Variants in DYNC1I1 observed in about 807,000 individuals in gnomAD.
The protein encoded by DYNC1I1 is cytoplasmic dynein 1 intermediate chain 1.
DYNC1I1 carries 43 observed loss-of-function variants against 86.6 expected under a neutral mutation model. That is an observed-to-expected ratio of 0.50 (90% CI 0.39 to 0.64). The LOEUF is 0.64. Ranked by LOEUF, DYNC1I1 falls within the 30% of genes least tolerant of loss-of-function variation. The pLI is 0.00. For missense variants in DYNC1I1, 604 were observed against 788.8 expected (o/e 0.77, Z 2.81); for synonymous variants, 262 against 283.7 (o/e 0.92, Z 0.77).
intron 14 of DYNC1I1, among the ~76,000 whole-genome samples, chr7:96,057,305 G>A (rs534704128): frequency 2.0e-5 from 3 of 152,056 alleles, no homozygotes; most frequent in Non-Finnish European, 2.9e-5. Context: ...CCTTTTCTAC[G>A]TCTGAGTCCT....
At chr7:95,905,392 T>G (rs1330096286) in intron 6 of DYNC1I1, among the ~76,000 whole-genome samples, 1 of 152,158 alleles carries the variant, frequency 6.6e-6, no homozygotes, top group Admixed American at 6.5e-5. Context: ...AATACAAAAC[T>G]CGAGTGCTGA....
At chr7:95,776,079 G>C (rs1793832850) in intron 1 of DYNC1I1, among the ~76,000 whole-genome samples, 1 of 152,114 alleles carries the variant, frequency 6.6e-6, no homozygotes, top group African/African-American at 2.4e-5. Flanking sequence ...GTAATCCCAG[G>C]CTACTCGGGA....
chr7:96,063,536 G>T (rs895845116), intron 14 of DYNC1I1, among the ~76,000 whole-genome samples: 29 of 152,084 alleles, frequency 1.9e-4, no homozygotes, highest in African/African-American at 6.3e-4. Flanking sequence ...GAAGCCTCTC[G>T]CTTTGACTTG....
rs944256028 is a variant in DYNC1I1, at chr7:96,076,068, G to C, written c.1521G>C (p.Pro507=). ...TCTCTGCTTTACAGCACAACAAGCCGCTCTACTCCTTTGAAGACAATGCAG... is the reference window on the plus strand; with the variant it reads ...TCTCTGCTTTACAGCACAACAAGCCCCTCTACTCCTTTGAAGACAATGCAG... ...VKLWTTKHNK[P]LYSFEDNADY... is the part of the protein sequence containing the mutation. Residue 507 remains proline, a synonymous_variant, in exon 15 of 17, where the codon CCG becomes CCC. Coordinates refer to ENST00000447467, the MANE Select transcript of DYNC1I1 (RefSeq NM_001135556.2). 6.2e-7 allele frequency: 1 copy of C among 1,613,780 alleles called. No homozygotes were observed. Among genetic ancestry groups the C allele is most frequent in the African/African-American group, 1.3e-5 (1 of 74,934 alleles).
intron 10 of DYNC1I1, among the ~76,000 whole-genome samples, chr7:96,001,355 T>A (rs1042855176): frequency 1.3e-5 from 2 of 152,262 alleles, no homozygotes; most frequent in Middle Eastern, 6.8e-3. Flanking sequence ...AAGATGGGTG[T>A]TCTGAGGGGT....
At chr7:95,891,187 CAG>C (rs2116268029) in intron 6 of DYNC1I1, among the ~76,000 whole-genome samples, 1 of 152,230 alleles carries the variant, frequency 6.6e-6, no homozygotes, top group African/African-American at 2.4e-5. Context: ...AAAGAGGACT[CAG>C]AAGAAACCAG....
intron 6 of DYNC1I1, among the ~76,000 whole-genome samples, chr7:95,947,364 A>G (rs1792430924): frequency 1.3e-5 from 2 of 152,260 alleles, no homozygotes; most frequent in Non-Finnish European, 1.5e-5. Flanking sequence ...AGTAAGCCCA[A>G]GGTAATTACC....
Position 95,863,861 on chromosome 7 carries a change from T to C in DYNC1I1, c.375-6022T>C, listed in dbSNP as rs146515004. Among the ~76,000 whole-genome samples, 950 of 125,436 alleles carry C rather than the reference T, an allele frequency of 7.6e-3. 18 individuals carry two copies. The highest frequency in any genetic ancestry group is 0.025 in the African/African-American group (916 of 36,576). 82.3% of individuals were successfully genotyped at this position (125,436 alleles called of 152,430 possible). A position where few individuals can be genotyped will look rare whatever the true frequency, so the allele number is the denominator to read the frequency against. ...AGCCAGGGCATTCCAGCTTAGTAAA[T>C]AACTCTATGCTTTGCAAGAATTATT... is the stretch of plus-strand genomic sequence containing the variant. On this transcript the variant is annotated intron_variant, in intron 5 of 16. Transcript: ENST00000447467.
intron 1 of DYNC1I1, among the ~76,000 whole-genome samples, chr7:95,780,971 G>A (rs551547735): frequency 3.3e-5 from 5 of 152,060 alleles, no homozygotes; most frequent in Non-Finnish European, 7.4e-5. Context: ...TGTGGGAATT[G>A]GTGTGTATTT....
intron 16 of DYNC1I1, among the ~76,000 whole-genome samples, chr7:96,084,729 C>T (rs1295965688): frequency 6.6e-6 from 1 of 152,014 alleles, no homozygotes; most frequent in Non-Finnish European, 1.5e-5. Context: ...TGCCTCATTA[C>T]CTGTTTCTTA....
At chr7:96,012,355 CTTTT>C (rs528159060) in intron 10 of DYNC1I1, among the ~76,000 whole-genome samples, 6 of 152,226 alleles carry the variant, frequency 3.9e-5, no homozygotes, top group African/African-American at 1.2e-4. Context: ...ACCATCCTTT[CTTTT>C]TTGTTGGTTG....
At chr7:96,094,701 G>T (rs1790951441) in intron 16 of DYNC1I1, among the ~76,000 whole-genome samples, 2 of 152,086 alleles carry the variant, frequency 1.3e-5, no homozygotes, top group South Asian at 4.1e-4. Flanking sequence ...TAAAAATGGG[G>T]CAGTCTGCAG....
chr7:96,044,669 G>T (rs1417011370), intron 14 of DYNC1I1, among the ~76,000 whole-genome samples: 1 of 152,162 alleles, frequency 6.6e-6, no homozygotes, highest in African/African-American at 2.4e-5. Context: ...GTAAGGATGG[G>T]ATCATGTGTG....
chr7:95,781,340 C>T (rs1179245030), intron 1 of DYNC1I1, among the ~76,000 whole-genome samples: 1 of 152,146 alleles, frequency 6.6e-6, no homozygotes, highest in Non-Finnish European at 1.5e-5. Context: ...ATATCTTATG[C>T]CAGAGAATTT....
intron 1 of DYNC1I1, chr7:95,802,634 A>T (rs957196815): frequency 2.2e-4 from 33 of 152,150 alleles, no homozygotes; most frequent in African/African-American, 7.7e-4. Context: ...CAACATATCC[A>T]TTCTTGTCAA....
At chr7:95,956,483 A>G (rs768012055) in intron 6 of DYNC1I1, among the ~76,000 whole-genome samples, 5 of 150,358 alleles carry the variant, frequency 3.3e-5, no homozygotes, top group Non-Finnish European at 5.9e-5. Flanking sequence ...TGCTGCACCC[A>G]TTAACCGGTC....
chr7:95,886,935 A>G (rs1366075724), intron 6 of DYNC1I1, among the ~76,000 whole-genome samples: 2 of 152,210 alleles, frequency 1.3e-5, no homozygotes, highest in African/African-American at 4.8e-5. Flanking sequence ...GTATGAGCTC[A>G]GTGTATACGA....
At chr7:95,880,808 G>A (rs887546170) in intron 6 of DYNC1I1, among the ~76,000 whole-genome samples, 1 of 151,848 alleles carries the variant, frequency 6.6e-6, no homozygotes, top group African/African-American at 2.4e-5. Context: ...ACCGTGCCCA[G>A]CTAATTTTTG....
At chr7:95,865,068 T>C (rs1346166350) in intron 5 of DYNC1I1, among the ~76,000 whole-genome samples, 1 of 152,090 alleles carries the variant, frequency 6.6e-6, no homozygotes, top group Non-Finnish European at 1.5e-5. Context: ...GTGGGGACTG[T>C]GAATTTGCCT....
Sources: gnomAD v4.1 joint callset for allele counts (sites outside exome capture counted in the v4.1 genomes callset) on GRCh38, gnomAD v4.1.1 for gene constraint, MANE v1.5 for transcripts, NCBI Gene and HGNC (gene_info 2026-07-23, HGNC 2026-07-21) for gene names.